The following NUMBL variants were observed in gnomAD, a reference collection of about 807,000 sequenced individuals.
NUMBL encodes numb-like protein.
NUMBL carries 20 observed loss-of-function variants against 48.9 expected under a neutral mutation model. The ratio of observed to expected loss-of-function variants is 0.41; its 90% CI spans 0.29 to 0.59. The LOEUF (loss-of-function observed/expected upper bound fraction) is 0.59. NUMBL is among the 20% of genes least tolerant of loss of function. The probability of loss-of-function intolerance (pLI) is 0.31; values close to 1 mark genes in which losing one functional copy is unlikely to be tolerated. For missense variants in NUMBL, 660 were observed against 846.2 expected (o/e 0.78, Z 2.73); for synonymous variants, 340 against 348.7 (o/e 0.98, Z 0.28).
intron 9 of NUMBL, among the ~76,000 whole-genome samples, chr19:40,668,722 G>A (rs1246766263): frequency 1.3e-5 from 2 of 152,102 alleles, no homozygotes; most frequent in East Asian, 1.9e-4. Flanking sequence ...GCTTCCCAAA[G>A]TACTAGGATT....
chr19:40,681,650 T>A (rs561301431), intron 5 of NUMBL, among the ~76,000 whole-genome samples: 1 of 152,132 alleles, frequency 6.6e-6, no homozygotes. Context: ...GCAGTTACGA[T>A]GTACTAGACC....
chr19:40,673,516 G>C lies in NUMBL; in HGVS notation c.864C>G (p.Ala288=). 6.4e-7 allele frequency: 1 copy of C among 1,567,428 alleles called. No individual in the cohort carries two copies. Among genetic ancestry groups the C allele is most frequent in the Non-Finnish European group, 8.6e-7 (1 of 1,156,452 alleles). The part of the protein sequence containing the change: ...GTPVAAGTTA[A]AIPRRHAPLE... The stretch of plus-strand genomic sequence containing the variant: ...GGGGTGCATGGCGCCGGGGGATGGC[G>C]GCCGCAGTGGTGCCTGCAGCCACAG... The change falls in exon 8 of 10, where the codon GCC becomes GCG. Residue 288 remains alanine (A), a synonymous_variant. Coordinates refer to ENST00000252891, the MANE Select transcript of NUMBL (RefSeq NM_004756.5). The surrounding 1 kb of genome is among the most constrained non-coding windows in gnomAD (Gnocchi z 5.9).
chr19:40,675,866 A>AT (rs202219464), intron 7 of NUMBL, among the ~76,000 whole-genome samples: 3,247 of 146,018 alleles, frequency 0.022, 51 homozygotes, highest in East Asian at 0.061. Context: ...TTTTAAATTA[A>AT]TTTTTTTTTT....
Position 40,688,964 on chromosome 19 carries a change from C to T in NUMBL, c.24+1496G>A, listed in dbSNP as rs1234086676. On this transcript the variant is annotated intron_variant, in intron 1 of 9. Transcript: ENST00000252891. This position sits in a 1 kb window ranked among gnomAD's most constrained non-coding sequence, Gnocchi z 4.6. ...GTCATACACAATACTGTCACACAAC[C>T]CCAGTCACACAGATACAATGTGACT... Among the ~76,000 whole-genome samples the T allele has an allele frequency of 6.6e-6, 1 of 152,222 alleles. No individual in the cohort carries two copies. The highest frequency in any genetic ancestry group is 1.5e-5 in the Non-Finnish European group (1 of 68,042).
chr19:40,674,361 T>C (rs1014920953), intron 7 of NUMBL, among the ~76,000 whole-genome samples: 1 of 152,142 alleles, frequency 6.6e-6, no homozygotes, highest in Non-Finnish European at 1.5e-5. Context: ...TCCAGATTGT[T>C]CCAGGCTCTC....
chr19:40,667,303 G>A lies in NUMBL; in HGVS notation c.*165C>T, dbSNP rs1005428318. On this transcript the variant is annotated 3_prime_UTR_variant, in exon 10 of 10. Transcript: ENST00000252891. This position sits in a 1 kb window ranked among gnomAD's most constrained non-coding sequence, Gnocchi z 6.1. ...AATTCCATCCTGTTGCAACCTGGGCGTCACAATGTTGGTTCTGTAGTGGTT... is the reference window on the plus strand; with the variant it reads ...AATTCCATCCTGTTGCAACCTGGGCATCACAATGTTGGTTCTGTAGTGGTT... 9 of 996,188 alleles carry A rather than the reference G, an allele frequency of 9.0e-6. No homozygotes were observed. The highest frequency in any genetic ancestry group is 2.7e-5 in the East Asian group (1 of 37,590). The allele number at this position is 996,188 out of a possible 1,614,324, so 61.7% of individuals were successfully genotyped here. A position where few individuals can be genotyped will look rare whatever the true frequency, so the allele number is the denominator to read the frequency against.
Position 40,688,576 on chromosome 19 carries a change from G to T in NUMBL, c.25-1581C>A, listed in dbSNP as rs60529488. Among the ~76,000 whole-genome samples the T allele has an allele frequency of 4.8e-3, 726 of 152,182 alleles. 3 individuals are homozygous for T. Among genetic ancestry groups the T allele is most frequent in the African/African-American group, 0.017 (700 of 41,500 alleles). ...GCACATACACACAGAGACAAAAACA[G>T]GCACACAGCTACAGACCCCACACTC... On this transcript the variant is annotated intron_variant, in intron 1 of 9. Coordinates refer to ENST00000252891, the MANE Select transcript of NUMBL (RefSeq NM_004756.5). The surrounding 1 kb of genome is among the most constrained non-coding windows in gnomAD (Gnocchi z 4.6).
At chr19:40,690,070 G>A (rs1033237787) in intron 1 of NUMBL, 2 of 171,234 alleles carry the variant, frequency 1.2e-5, no homozygotes, top group Non-Finnish European at 2.5e-5. Flanking sequence ...GACCCCCTTA[G>A]GCAGGGAGAG....
intron 9 of NUMBL, among the ~76,000 whole-genome samples, chr19:40,668,346 A>G (rs111913817): frequency 0.011 from 1,617 of 152,288 alleles, 17 homozygotes; most frequent in Non-Finnish European, 0.016. Flanking sequence ...CTGGAGTGCT[A>G]AGAACATACA....
At chr19:40,675,441 G>A (rs1454811054) in intron 7 of NUMBL, among the ~76,000 whole-genome samples, 2 of 151,478 alleles carry the variant, frequency 1.3e-5, no homozygotes, top group African/African-American at 2.4e-5. Context: ...AGTTCCCAAT[G>A]GTAAATTCTT....
intron 2 of NUMBL, 62 bp downstream of exon 2, chr19:40,686,849 G>C: frequency 9.9e-7 from 1 of 1,015,018 alleles, no homozygotes; most frequent in Admixed American, 2.1e-5. Context: ...CAGCTCCTCT[G>C]GTCGTGTTAG....
In NUMBL at chr19:40,687,411, A is replaced by C. The variant is rs956628043; in HGVS notation, c.25-416T>G. Among the ~76,000 whole-genome samples the C allele has an allele frequency of 1.3e-5, 2 of 152,204 alleles. No homozygotes were observed. The highest frequency in any genetic ancestry group is 2.9e-5 in the Non-Finnish European group (2 of 68,020). ...CCTCAGATCGCAGATACACAGAAAC[A>C]GTCCCAAACCCAGAAAGCTGCCACT... On this transcript the variant is annotated intron_variant, in intron 1 of 9. Transcript: ENST00000252891. This position sits in a 1 kb window ranked among gnomAD's most constrained non-coding sequence, Gnocchi z 4.6.
At chr19:40,684,676 T>C (rs555520407) in intron 2 of NUMBL, 120 bp from the exon 3 acceptor site, 1 of 1,365,382 alleles carries the variant, frequency 7.3e-7, no homozygotes, top group Admixed American at 2.7e-5. Flanking sequence ...GGAAGCGGGG[T>C]TACAGGGTCA....
chr19:40,676,704 A>C (rs1458098734), intron 7 of NUMBL, among the ~76,000 whole-genome samples: 3 of 151,800 alleles, frequency 2.0e-5, no homozygotes, highest in African/African-American at 7.3e-5. Flanking sequence ...AAAAAAAAAA[A>C]AACAAACAAA....
rs1162689953 is a variant in NUMBL, at chr19:40,687,163, A to C, written c.25-168T>G. On this transcript the variant is annotated intron_variant, in intron 1 of 9. Transcript: ENST00000252891. This position sits in a 1 kb window ranked among gnomAD's most constrained non-coding sequence, Gnocchi z 4.6. ...CAGGGAGATCAGCCACCTGGTTCCA[A>C]GGGCCCAGGAAGGAGTAGGTATGTT... is the stretch of plus-strand genomic sequence containing the variant. Among the ~76,000 whole-genome samples the C allele has an allele frequency of 6.6e-6, 1 of 152,124 alleles. No homozygotes were observed. Among genetic ancestry groups the C allele is most frequent in the Non-Finnish European group, 1.5e-5 (1 of 67,992 alleles).
At chr19:40,677,445 G>T (rs745721750) in intron 6 of NUMBL, 24 bp from the exon 7 acceptor site, 3 of 1,598,556 alleles carry the variant, frequency 1.9e-6, no homozygotes, top group Admixed American at 3.4e-5. Context: ...ATGGGCGGGG[G>T]GGTTAGAGGC....
At chr19:40,684,388 C>T in intron 3 of NUMBL, 29 bp downstream of exon 3, 1 of 1,538,392 alleles carries the variant, frequency 6.5e-7, no homozygotes, top group Non-Finnish European at 8.7e-7. Context: ...GTCCCCCTCG[C>T]CCCGCCGCAC....
Position 40,688,699 on chromosome 19 carries a change from C to G in NUMBL, c.25-1704G>C, listed in dbSNP as rs2081946596. Reference sequence around the variant, plus strand: ...TGGAAGCCATAATCATATACACACCCCTACAAACATAATTTCCTGGCACCA... The same window carrying G: ...TGGAAGCCATAATCATATACACACCGCTACAAACATAATTTCCTGGCACCA... On this transcript the variant is annotated intron_variant, in intron 1 of 9. Coordinates refer to ENST00000252891, the MANE Select transcript of NUMBL (RefSeq NM_004756.5). This position sits in a 1 kb window ranked among gnomAD's most constrained non-coding sequence, Gnocchi z 4.6. Among the ~76,000 whole-genome samples, 1 of 152,176 alleles carries G rather than the reference C, an allele frequency of 6.6e-6. No individual in the cohort carries two copies. Among genetic ancestry groups the G allele is most frequent in the African/African-American group, 2.4e-5 (1 of 41,444 alleles).
Position 40,673,700 on chromosome 19 carries a change from G to T in NUMBL, c.731-51C>A. On this transcript the variant is annotated intron_variant, in intron 7 of 9. Transcript: ENST00000252891. This position sits in a 1 kb window ranked among gnomAD's most constrained non-coding sequence, Gnocchi z 5.9. ...TTAGATATCTCACCATGGCATGCAA[G>T]GCCTCTCCCACCTGGTTCTCTTGAT... is the stretch of plus-strand genomic sequence containing the variant. 1 of 1,425,182 alleles carries T rather than the reference G, an allele frequency of 7.0e-7. No individual in the cohort carries two copies. Among genetic ancestry groups the T allele is most frequent in the Non-Finnish European group, 9.2e-7 (1 of 1,082,640 alleles). 88.3% of individuals were successfully genotyped at this position (1,425,182 alleles called of 1,614,324 possible).
Sources: gnomAD v4.1 joint callset for allele counts (sites outside exome capture counted in the v4.1 genomes callset) on GRCh38, gnomAD v4.1.1 for gene constraint, Gnocchi (gnomAD v3.1) non-coding constraint, MANE v1.5 for transcripts, NCBI Gene and HGNC (gene_info 2026-07-23, HGNC 2026-07-21) for gene names.